The following EFCAB11 variants were observed in gnomAD, a reference collection of about 807,000 sequenced individuals.
EFCAB11 encodes EF-hand calcium-binding domain-containing protein 11.
EFCAB11 carries 14 observed loss-of-function variants against 23.0 expected under a neutral mutation model. The observed-to-expected ratio is 0.61, with a 90% CI of 0.40 to 0.95. The LOEUF (loss-of-function observed/expected upper bound fraction) is 0.95, where lower values mean the gene tolerates loss of function less well. Among genes scored for constraint, EFCAB11 ranks in the 40% least tolerant of loss-of-function variants. The pLI is 0.00. For synonymous variants in EFCAB11, 65 were observed against 66.6 expected (o/e 0.98, Z 0.11); for missense variants, 198 against 195.8 (o/e 1.01, Z -0.07).
At chr14:89,866,646 CCTT>C (rs1888101511) in intron 5 of EFCAB11, among the ~76,000 whole-genome samples, 1 of 152,206 alleles carries the variant, frequency 6.6e-6, no homozygotes, top group Admixed American at 6.5e-5. Flanking sequence ...GCCTTGATCT[CCTT>C]GTCTAGGCTG....
At chr14:89,913,942 C>G (rs1348686525) in intron 5 of EFCAB11, among the ~76,000 whole-genome samples, 1 of 152,162 alleles carries the variant, frequency 6.6e-6, no homozygotes, top group East Asian at 1.9e-4. Context: ...TTCAGGCTCT[C>G]TGGGAATTCA....
chr14:89,838,970 G>A lies in EFCAB11; in HGVS notation c.411-41646C>T, dbSNP rs548498008. On this transcript the variant is annotated intron_variant, in intron 5 of 5. Transcript: ENST00000316738. Reference sequence around the variant, plus strand: ...AAGAAATGAAAATCTAAAGGACTGAGTAGTTTTGATGATGGCAGGGCTTTG... The same window carrying A: ...AAGAAATGAAAATCTAAAGGACTGAATAGTTTTGATGATGGCAGGGCTTTG... Among the ~76,000 whole-genome samples, 6 of 152,340 alleles carry A rather than the reference G, an allele frequency of 3.9e-5. No individual in the cohort carries two copies. The South Asian group carries it at 1.0e-3, about 26-fold the overall frequency.
intron 5 of EFCAB11, among the ~76,000 whole-genome samples, chr14:89,893,328 C>T (rs566526286): frequency 2.0e-5 from 3 of 152,254 alleles, no homozygotes; most frequent in South Asian, 2.1e-4. Context: ...TTTGCCCCCA[C>T]CCTAGGCCCA....
intron 5 of EFCAB11, among the ~76,000 whole-genome samples, chr14:89,902,933 A>G (rs2140204971): frequency 6.6e-6 from 1 of 152,324 alleles, no homozygotes; most frequent in Non-Finnish European, 1.5e-5. Flanking sequence ...TTCTTGTAGT[A>G]TAAGAGATAG....
chr14:89,849,611 T>TG (rs1887540671), intron 5 of EFCAB11, among the ~76,000 whole-genome samples: 1 of 150,724 alleles, frequency 6.6e-6, no homozygotes, highest in South Asian at 2.1e-4. Flanking sequence ...AATCTGTTTT[T>TG]TTTTTTTTTT....
intron 5 of EFCAB11, among the ~76,000 whole-genome samples, chr14:89,887,034 A>G (rs1234644097): frequency 6.6e-6 from 1 of 152,242 alleles, no homozygotes; most frequent in Non-Finnish European, 1.5e-5. Context: ...GATTGTTTTT[A>G]TAGTCTTTAA....
intron 5 of EFCAB11, among the ~76,000 whole-genome samples, chr14:89,836,223 C>T (rs1215949552): frequency 3.3e-5 from 5 of 151,780 alleles, no homozygotes; most frequent in East Asian, 1.9e-4. Flanking sequence ...AGGACAGAGG[C>T]GACCCTACCC....
intron 5 of EFCAB11, among the ~76,000 whole-genome samples, chr14:89,928,232 C>T (rs1890256021): frequency 6.6e-6 from 1 of 152,018 alleles, no homozygotes; most frequent in Admixed American, 6.6e-5. Context: ...TAGAGGAGCA[C>T]ATATGTTATT....
intron 5 of EFCAB11, among the ~76,000 whole-genome samples, chr14:89,885,538 C>T (rs924441881): frequency 3.3e-5 from 5 of 151,866 alleles, no homozygotes; most frequent in African/African-American, 9.7e-5. Flanking sequence ...ATTAGCCAGG[C>T]GTGGTAGCGT....
At chr14:89,948,414 G>A (rs1891051713) in intron 3 of EFCAB11, among the ~76,000 whole-genome samples, 1 of 152,286 alleles carries the variant, frequency 6.6e-6, no homozygotes, top group Non-Finnish European at 1.5e-5. Context: ...TCACTATGGA[G>A]AACCATTTGG....
intron 5 of EFCAB11, 103 bp downstream of exon 5, chr14:89,931,438 G>T: frequency 9.2e-7 from 1 of 1,083,446 alleles, no homozygotes; most frequent in South Asian, 1.5e-5. Context: ...AAATGTTCCA[G>T]ACTCAAAAAT....
chr14:89,897,878 C>A (rs1254374548), intron 5 of EFCAB11, among the ~76,000 whole-genome samples: 1 of 151,854 alleles, frequency 6.6e-6, no homozygotes, highest in African/African-American at 2.4e-5. Context: ...CATGTAAATA[C>A]GGTTGAAAAT....
rs1338704412 is a variant in EFCAB11, at chr14:89,893,798, CA to C, written c.410+37742del. The stretch of plus-strand genomic sequence containing the variant: ...TCTCCAAAAAAAAAAAACAAACAAA[CA>C]AAAAAAAAGATAATAGGATAGTAAA... On this transcript the variant is annotated intron_variant, in intron 5 of 5. Transcript: ENST00000316738. 2.1e-3 allele frequency among the ~76,000 whole-genome samples: 298 copies of C among 143,634 alleles called. 1 individual carries two copies. The highest frequency in any genetic ancestry group is 7.0e-3 in the African/African-American group (276 of 39,202). The allele number at this position is 143,634 out of a possible 152,430, so 94.2% of individuals were successfully genotyped here.
intron 3 of EFCAB11, among the ~76,000 whole-genome samples, chr14:89,947,553 T>C (rs893670008): frequency 2.0e-5 from 3 of 152,240 alleles, no homozygotes; most frequent in Admixed American, 1.3e-4. Context: ...GCTAAAGTCA[T>C]CAAACACCTC....
chr14:89,933,184 G>A (rs61998724), intron 3 of EFCAB11, among the ~76,000 whole-genome samples: 5,961 of 152,278 alleles, frequency 0.039, 178 homozygotes, highest in South Asian at 0.056. Context: ...GCCCCACAAC[G>A]TGTGGAGCAG....
intron 2 of EFCAB11, among the ~76,000 whole-genome samples, chr14:89,951,503 T>C (rs927390323): frequency 1.3e-5 from 2 of 152,226 alleles, no homozygotes; most frequent in Non-Finnish European, 2.9e-5. Context: ...CACAGTTTTA[T>C]GTCTTTCTAT....
At chr14:89,808,545 G>A (rs1886049037) in intron 5 of EFCAB11, among the ~76,000 whole-genome samples, 2 of 151,998 alleles carry the variant, frequency 1.3e-5, no homozygotes, top group Non-Finnish European at 2.9e-5. Context: ...ATTTCTCATT[G>A]ATGCGATGTG....
intron 5 of EFCAB11, among the ~76,000 whole-genome samples, chr14:89,861,057 T>C (rs1260583684): frequency 6.6e-6 from 1 of 152,222 alleles, no homozygotes; most frequent in African/African-American, 2.4e-5. Flanking sequence ...TTGACTTTTC[T>C]GTTCTTCTTG....
At chr14:89,843,667 C>T (rs532721505) in intron 5 of EFCAB11, among the ~76,000 whole-genome samples, 15 of 152,284 alleles carry the variant, frequency 9.9e-5, no homozygotes, top group Admixed American at 2.6e-4. Flanking sequence ...TACTTTATTA[C>T]GTTAACATAT....
Sources: gnomAD v4.1 joint callset for allele counts (sites outside exome capture counted in the v4.1 genomes callset) on GRCh38, gnomAD v4.1.1 for gene constraint, MANE v1.5 for transcripts, NCBI Gene and HGNC (gene_info 2026-07-23, HGNC 2026-07-21) for gene names.